ANKS1B: variants seen among roughly 807,000 people sequenced by gnomAD.
The protein encoded by ANKS1B is ankyrin repeat and sterile alpha motif domain containing 1B.
A neutral mutation model predicts 148.3 loss-of-function variants in ANKS1B; 36 were observed. The ratio of observed to expected loss-of-function variants is 0.24; its 90% CI spans 0.19 to 0.32. The LOEUF is 0.32. Among genes scored for constraint, ANKS1B ranks in the 10% least tolerant of loss-of-function variants. ANKS1B has a pLI of 1.00. For missense variants in ANKS1B, 1,157 were observed against 1,542.6 expected (o/e 0.75, Z 4.19); for synonymous variants, 542 against 560.8 (o/e 0.97, Z 0.47).
At chr12:99,917,017 T>A (rs966373590) in intron 1 of ANKS1B, among the ~76,000 whole-genome samples, 1 of 152,226 alleles carries the variant, frequency 6.6e-6, no homozygotes, top group Non-Finnish European at 1.5e-5. Context: ...TTCCTTCACA[T>A]GATCAGTTTG....
chr12:98,759,152 A>G (rs2098338378), intron 25 of ANKS1B, among the ~76,000 whole-genome samples: 1 of 152,140 alleles, frequency 6.6e-6, no homozygotes, highest in Non-Finnish European at 1.5e-5. Context: ...CATAAAGATA[A>G]ATCCTAAGGC....
chr12:99,363,077 G>A (rs1340801335), intron 12 of ANKS1B, among the ~76,000 whole-genome samples: 1 of 151,894 alleles, frequency 6.6e-6, no homozygotes, highest in Non-Finnish European at 1.5e-5. Flanking sequence ...GCAAAGATTA[G>A]GCAAATTTTT....
intron 15 of ANKS1B, among the ~76,000 whole-genome samples, chr12:99,099,182 C>T (rs921788813): frequency 3.9e-5 from 6 of 152,302 alleles, no homozygotes; most frequent in African/African-American, 1.4e-4. Context: ...CCCATGGCAC[C>T]TTGGGGCCGA....
intron 17 of ANKS1B, among the ~76,000 whole-genome samples, chr12:99,007,777 T>C (rs1318105248): frequency 5.3e-5 from 8 of 152,076 alleles, no homozygotes. Flanking sequence ...GGAGAGAAGA[T>C]GAGATGGCTT....
chr12:99,492,038 CAAGA>C (rs905804809), intron 10 of ANKS1B, among the ~76,000 whole-genome samples: 2 of 151,808 alleles, frequency 1.3e-5, no homozygotes, highest in African/African-American at 4.8e-5. Flanking sequence ...TAGCAGAAGA[CAAGA>C]AATAACTGAA....
rs80099451 is a variant in ANKS1B, at chr12:99,305,066, G to A, written c.1757-58202C>T. On this transcript the variant is annotated intron_variant, in intron 12 of 26. Coordinates refer to ENST00000683438, the MANE Select transcript of ANKS1B (RefSeq NM_001352186.2). ...CAATCATAGCAGAAGGCCAAGGGCG[G>A]TGGGGGGCAGGTGTATCACATGGTG... Among the ~76,000 whole-genome samples the A allele has an allele frequency of 3.4e-3, 510 of 152,206 alleles. 32 individuals are homozygous for A. In the East Asian group the frequency reaches 0.083, roughly 25 times the overall value.
At chr12:99,574,660 T>TAA (rs34002238) in intron 9 of ANKS1B, among the ~76,000 whole-genome samples, 27 of 148,210 alleles carry the variant, frequency 1.8e-4, no homozygotes, top group African/African-American at 6.2e-4. Context: ...TTCCTCGTAT[T>TAA]AAAAAAAAAA....
intron 17 of ANKS1B, among the ~76,000 whole-genome samples, chr12:98,851,352 C>T (rs559880874): frequency 1.3e-4 from 20 of 152,094 alleles, no homozygotes; most frequent in African/African-American, 3.1e-4. Context: ...GATGGCCTCA[C>T]GGAATAGAAG....
chr12:99,554,651 G>A (rs909863217), intron 9 of ANKS1B, among the ~76,000 whole-genome samples: 4 of 152,092 alleles, frequency 2.6e-5, no homozygotes, highest in African/African-American at 9.7e-5. Flanking sequence ...CTTTAAAGAG[G>A]GAAGCATTTC....
At chr12:99,363,981 C>T (rs1003228033) in intron 12 of ANKS1B, among the ~76,000 whole-genome samples, 1 of 152,016 alleles carries the variant, frequency 6.6e-6, no homozygotes, top group East Asian at 1.9e-4. Context: ...ATACAATTAG[C>T]CTCCCTCTCA....
intron 14 of ANKS1B, among the ~76,000 whole-genome samples, chr12:99,171,447 G>A (rs1458827750): frequency 6.6e-6 from 1 of 152,168 alleles, no homozygotes; most frequent in East Asian, 1.9e-4. Context: ...GGTCAACAAA[G>A]TTCTGGATCA....
At chr12:99,136,586 A>G (rs1221720458) in intron 15 of ANKS1B, among the ~76,000 whole-genome samples, 1 of 152,206 alleles carries the variant, frequency 6.6e-6, no homozygotes, top group Non-Finnish European at 1.5e-5. Context: ...AGTATTGACA[A>G]TGTAAATCCT....
intron 17 of ANKS1B, among the ~76,000 whole-genome samples, chr12:99,041,428 C>CT (rs1598865594): frequency 1.3e-5 from 2 of 152,138 alleles, no homozygotes; most frequent in South Asian, 4.1e-4. Context: ...AATTTTCCAG[C>CT]TTTTTATATA....
At position 99,910,354 on chromosome 12, in the gene ANKS1B, CAAAAAAAAAAA is replaced by C. The variant is rs57222450; in HGVS notation, c.134+73739_134+73749del. 6.2e-3 allele frequency among the ~76,000 whole-genome samples: 318 copies of C among 51,116 alleles called. 2 individuals carry two copies. The highest frequency in any genetic ancestry group is 0.024 in the African/African-American group (294 of 12,444). The allele number at this position is 51,116 out of a possible 152,430, so 33.5% of individuals were successfully genotyped here. A position where few individuals can be genotyped will look rare whatever the true frequency, so the allele number is the denominator to read the frequency against. On this transcript the variant is annotated intron_variant, in intron 1 of 26. Transcript: ENST00000683438. ...TGGGCTACAGGGCAAGACTCCATCTCAAAAAAAAAAAAAAAAAAAAAAAGAGGAATAAAGTA... is the reference window on the plus strand; with the variant it reads ...TGGGCTACAGGGCAAGACTCCATCTCAAAAAAAAAAAAGAGGAATAAAGTA...
chr12:99,235,486 A>G (rs1169310938), intron 14 of ANKS1B, among the ~76,000 whole-genome samples: 1 of 152,176 alleles, frequency 6.6e-6, no homozygotes, highest in Non-Finnish European at 1.5e-5. Flanking sequence ...CTTCACATCA[A>G]TCAAAGATCT....
intron 25 of ANKS1B, among the ~76,000 whole-genome samples, chr12:98,756,556 C>CAAA (rs536086383): frequency 7.7e-5 from 8 of 104,562 alleles, no homozygotes; most frequent in African/African-American, 1.7e-4. Context: ...ACTAAAAATA[C>CAAA]AAAAAAAAAA....
In ANKS1B at chr12:99,642,051, A is replaced by G. The variant is rs140179636; in HGVS notation, c.1272+13016T>C. Among the ~76,000 whole-genome samples, 872 of 152,338 alleles carry G rather than the reference A, an allele frequency of 5.7e-3. 9 individuals carry two copies. Among genetic ancestry groups the G allele is most frequent in the African/African-American group, 0.02 (826 of 41,570 alleles). ...GCACTTGGAATGTGGTAGGTACTCA[A>G]TAAGTGTTAGATATCATTATTAACA... On this transcript the variant is annotated intron_variant, in intron 9 of 26. Transcript: ENST00000683438.
At position 99,435,902 on chromosome 12, in the gene ANKS1B, T is replaced by G. The variant is rs140091574; in HGVS notation, c.1575+7771A>C. Among the ~76,000 whole-genome samples the G allele has an allele frequency of 3.9e-3, 601 of 152,186 alleles. 1 individual carries two copies. Among genetic ancestry groups the G allele is most frequent in the African/African-American group, 0.014 (583 of 41,540 alleles). The stretch of plus-strand genomic sequence containing the variant: ...AAAAGCTTCCCAGGAAATTCATATT[T>G]GTCCAAAACTACTTCAAAAATTCAT... On this transcript the variant is annotated intron_variant, in intron 11 of 26. Coordinates refer to ENST00000683438, the MANE Select transcript of ANKS1B (RefSeq NM_001352186.2).
At chr12:99,540,186 G>A (rs1606251) in intron 9 of ANKS1B, among the ~76,000 whole-genome samples, 66,042 of 151,174 alleles carry the variant, frequency 0.44, 14,770 homozygotes, top group South Asian at 0.54. Flanking sequence ...GAATTGAAGG[G>A]AGAAATAGAC....
Sources: allele counts gnomAD v4.1 joint callset (sites outside exome capture counted in the v4.1 genomes callset), GRCh38; gene constraint gnomAD v4.1.1; transcripts MANE v1.5; gene names NCBI Gene and HGNC (gene_info 2026-07-23, HGNC 2026-07-21).